SCLT1: variants seen among roughly 807,000 people sequenced by gnomAD.
The protein encoded by SCLT1 is sodium channel-associated protein 1.
Under a neutral mutation model 112.8 loss-of-function variants are expected in SCLT1, and 78 were observed. The ratio of observed to expected loss-of-function variants is 0.69; its 90% CI spans 0.58 to 0.83. SCLT1 has a LOEUF of 0.83. Among genes scored for constraint, SCLT1 ranks in the 40% least tolerant of loss-of-function variants. The pLI, the probability that SCLT1 is intolerant of heterozygous loss-of-function variation, is 0.00. For synonymous variants in SCLT1, 257 were observed against 254.7 expected, an observed-to-expected ratio of 1.01 and a Z score of -0.09; for missense variants, 747 against 770.4, an observed-to-expected ratio of 0.97 and a Z score of 0.36.
At position 129,013,206 on chromosome 4, in the gene SCLT1, C is replaced by A. The variant is rs116164583; in HGVS notation, c.291-9330G>T. 8.0e-3 allele frequency among the ~76,000 whole-genome samples: 1,210 copies of A among 152,186 alleles called. 15 individuals carry two copies. Among genetic ancestry groups the A allele is most frequent in the African/African-American group, 0.028 (1,160 of 41,532 alleles). The stretch of plus-strand genomic sequence containing the variant: ...CCTCTTTGTGCTTGTAAGTTCTTAC[C>A]ATTTAGCTCCCACTTATAAGTGAGA... On this transcript the variant is annotated intron_variant, in intron 5 of 20. Coordinates refer to ENST00000281142, the MANE Select transcript of SCLT1 (RefSeq NM_144643.4).
chr4:129,003,471 A>C (rs1237932128), intron 6 of SCLT1, among the ~76,000 whole-genome samples: 3 of 151,732 alleles, frequency 2.0e-5, no homozygotes, highest in Non-Finnish European at 4.4e-5. Context: ...AAGAAAGAAA[A>C]AATATTCTCA....
intron 5 of SCLT1, among the ~76,000 whole-genome samples, chr4:129,027,860 C>G (rs1161044073): frequency 6.6e-6 from 1 of 152,158 alleles, no homozygotes; most frequent in African/African-American, 2.4e-5. Context: ...ACAAAAATCA[C>G]AAGTATTCTT....
At chr4:128,978,007 T>C (rs535553014) in intron 9 of SCLT1, among the ~76,000 whole-genome samples, 2 of 152,190 alleles carry the variant, frequency 1.3e-5, no homozygotes, top group East Asian at 1.9e-4. Flanking sequence ...CATCTGTACA[T>C]AGAGCCAACA....
At chr4:128,974,000 GAACTGGGCCAATCACTTA>G (rs1740933296) in intron 9 of SCLT1, among the ~76,000 whole-genome samples, 1 of 152,256 alleles carries the variant, frequency 6.6e-6, no homozygotes, top group South Asian at 2.1e-4. Context: ...AAAGGTATGT[GAACTGGGCCAATCACTTA>G]ACCTCTCTGA....
intron 18 of SCLT1, among the ~76,000 whole-genome samples, chr4:128,899,682 A>C (rs1463442434): frequency 1.3e-5 from 2 of 152,164 alleles, no homozygotes; most frequent in South Asian, 4.1e-4. Context: ...CAGGGCAATC[A>C]GGCAGGAGAA....
intron 2 of SCLT1, among the ~76,000 whole-genome samples, chr4:129,049,804 T>C (rs1016155487): frequency 3.9e-5 from 6 of 152,022 alleles, no homozygotes; most frequent in African/African-American, 7.2e-5. Flanking sequence ...ACATGTGCCA[T>C]GGTGGTTTGC....
At chr4:129,019,665 GAA>G (rs777255723) in intron 5 of SCLT1, among the ~76,000 whole-genome samples, 1 of 139,744 alleles carries the variant, frequency 7.2e-6, no homozygotes, top group Non-Finnish European at 1.6e-5. Flanking sequence ...TTATATAAAT[GAA>G]AAAAAAAAAA....
rs75564300 is a variant in SCLT1, at chr4:129,078,061, T to C, written c.102+4245A>G. On this transcript the variant is annotated intron_variant, in intron 2 of 20. Coordinates refer to ENST00000281142, the MANE Select transcript of SCLT1 (RefSeq NM_144643.4). ...GCAGAGGACTCTTAGGCAGTAACAG[T>C]ATGTTACCACTAAAGAGATAGGAAT... Among the ~76,000 whole-genome samples the C allele has an allele frequency of 9.6e-3, 1,455 of 152,286 alleles. 17 individuals are homozygous for C. The highest frequency in any genetic ancestry group is 0.028 in the African/African-American group (1,168 of 41,558).
chr4:129,023,626 T>C (rs796871178), intron 5 of SCLT1, among the ~76,000 whole-genome samples: 7 of 152,216 alleles, frequency 4.6e-5, no homozygotes, highest in African/African-American at 1.7e-4. Context: ...AAACGGGTGA[T>C]TTCTGCATTT....
chr4:129,024,531 C>T (rs1745829878), intron 5 of SCLT1, among the ~76,000 whole-genome samples: 1 of 152,146 alleles, frequency 6.6e-6, no homozygotes, highest in Admixed American at 6.5e-5. Flanking sequence ...AGGACATCCA[C>T]ACCAAAAACC....
intron 1 of SCLT1, among the ~76,000 whole-genome samples, chr4:129,083,064 G>A (rs1002696979): frequency 1.2e-4 from 18 of 151,740 alleles, no homozygotes; most frequent in Admixed American, 2.6e-4. Context: ...AGTGGCATGC[G>A]CCTGTAATCC....
intron 2 of SCLT1, among the ~76,000 whole-genome samples, chr4:129,072,689 T>TAG (rs1301776892): frequency 6.6e-6 from 1 of 152,170 alleles, no homozygotes; most frequent in African/African-American, 2.4e-5. Flanking sequence ...TTTCCTTGAA[T>TAG]ATTTCTCCCT....
At chr4:128,956,093 T>A (rs920713486) in intron 13 of SCLT1, among the ~76,000 whole-genome samples, 6 of 152,210 alleles carry the variant, frequency 3.9e-5, no homozygotes, top group Admixed American at 3.9e-4. Context: ...TTAGGAAGCA[T>A]CTGTATTTTC....
chr4:129,019,889 T>C (rs1159803646), intron 5 of SCLT1, among the ~76,000 whole-genome samples: 1 of 152,108 alleles, frequency 6.6e-6, no homozygotes, highest in Non-Finnish European at 1.5e-5. Context: ...TTTTTTCCTA[T>C]CTGGTATTCT....
intron 9 of SCLT1, among the ~76,000 whole-genome samples, chr4:128,980,231 T>C (rs1741526209): frequency 6.6e-6 from 1 of 152,176 alleles, no homozygotes; most frequent in Non-Finnish European, 1.5e-5. Context: ...CCATAGCATT[T>C]TTATAATAGA....
rs1448740445 is a variant in SCLT1, at chr4:128,963,828, T to A, written c.869+1399A>T. On this transcript the variant is annotated intron_variant, in intron 11 of 20. Coordinates refer to ENST00000281142, the MANE Select transcript of SCLT1 (RefSeq NM_144643.4). ...TAGTACACAAAAGGCATTGTTAATG[T>A]GGGAGGGGCAGGCATATATTTATTG... 2.6e-5 allele frequency among the ~76,000 whole-genome samples: 4 copies of A among 152,202 alleles called. No individual in the cohort carries two copies. The East Asian group carries it at 7.7e-4, about 29-fold the overall frequency.
At chr4:129,079,005 G>A (rs983123062) in intron 2 of SCLT1, among the ~76,000 whole-genome samples, 1 of 152,138 alleles carries the variant, frequency 6.6e-6, no homozygotes, top group African/African-American at 2.4e-5. Context: ...CCATTTATAA[G>A]CAAGCAGATT....
chr4:129,046,212 A>T (rs1267880579), intron 2 of SCLT1, among the ~76,000 whole-genome samples: 1 of 152,100 alleles, frequency 6.6e-6, no homozygotes, highest in Non-Finnish European at 1.5e-5. Context: ...CATTTTGCAC[A>T]GTTCTGTGGA....
At chr4:129,088,995 T>C (rs1752620122) in intron 1 of SCLT1, among the ~76,000 whole-genome samples, 1 of 152,138 alleles carries the variant, frequency 6.6e-6, no homozygotes, top group African/African-American at 2.4e-5. Flanking sequence ...AAGCCAAAAC[T>C]GACAAATAGG....
Sources: allele counts gnomAD v4.1 joint callset (sites outside exome capture counted in the v4.1 genomes callset), GRCh38; gene constraint gnomAD v4.1.1; transcripts MANE v1.5; gene names NCBI Gene and HGNC (gene_info 2026-07-23, HGNC 2026-07-21).